DCC: variants seen among roughly 807,000 people sequenced by gnomAD.
DCC encodes netrin receptor DCC.
A neutral mutation model predicts 172.5 loss-of-function variants in DCC; 58 were observed. The ratio of observed to expected loss-of-function variants is 0.34; its 90% CI spans 0.27 to 0.42. The LOEUF is 0.42. Ranked by LOEUF, DCC falls within the 10% of genes least tolerant of loss-of-function variation. The pLI is 1.00. For synonymous variants in DCC, 709 were observed against 644.5 expected, an observed-to-expected ratio of 1.10 and a Z score of -1.52; for missense variants, 1,740 against 1,791.0, an observed-to-expected ratio of 0.97 and a Z score of 0.51.
chr18:52,597,903 A>G (rs2033940323), intron 1 of DCC, among the ~76,000 whole-genome samples: 1 of 152,192 alleles, frequency 6.6e-6, no homozygotes, highest in Non-Finnish European at 1.5e-5. Flanking sequence ...TTTGGTTTCT[A>G]AGAGCACTGA....
intron 2 of DCC, among the ~76,000 whole-genome samples, chr18:52,875,936 T>A (rs2039397727): frequency 1.3e-5 from 2 of 152,124 alleles, no homozygotes; most frequent in South Asian, 4.1e-4. Flanking sequence ...AAATCATAAC[T>A]CATAATGACT....
At chr18:53,264,012 G>A (rs1385703063) in intron 12 of DCC, among the ~76,000 whole-genome samples, 1 of 152,018 alleles carries the variant, frequency 6.6e-6, no homozygotes, top group Non-Finnish European at 1.5e-5. Context: ...TTCAAAGAAG[G>A]GTTAAATATA....
intron 2 of DCC, among the ~76,000 whole-genome samples, chr18:52,815,002 T>C (rs1478693955): frequency 6.6e-6 from 1 of 151,688 alleles, no homozygotes; most frequent in East Asian, 1.9e-4. Flanking sequence ...TGGAGAGAAA[T>C]CAAATATAAC....
chr18:52,428,081 CT>C (rs1987501695), intron 1 of DCC, among the ~76,000 whole-genome samples: 1 of 152,004 alleles, frequency 6.6e-6, no homozygotes, highest in Non-Finnish European at 1.5e-5. Context: ...CCTTATCAAT[CT>C]CTTTAAAAAA....
At chr18:53,158,216 A>G (rs1028076866) in intron 8 of DCC, among the ~76,000 whole-genome samples, 3 of 152,206 alleles carry the variant, frequency 2.0e-5, no homozygotes, top group Admixed American at 2.0e-4. Context: ...TGCATATATA[A>G]ATGTCATATC....
At chr18:52,571,632 C>T (rs2033294756) in intron 1 of DCC, among the ~76,000 whole-genome samples, 1 of 152,164 alleles carries the variant, frequency 6.6e-6, no homozygotes, top group East Asian at 1.9e-4. Flanking sequence ...ATCAGCGGTG[C>T]ACCCCTCATT....
intron 14 of DCC, among the ~76,000 whole-genome samples, chr18:53,333,605 G>T (rs1470822012): frequency 6.6e-6 from 1 of 152,122 alleles, no homozygotes; most frequent in East Asian, 1.9e-4. Flanking sequence ...GTGAACGAAG[G>T]CAAAATGACA....
At chr18:53,462,460 C>G (rs1429073380) in intron 24 of DCC, among the ~76,000 whole-genome samples, 21 of 151,652 alleles carry the variant, frequency 1.4e-4, no homozygotes, top group Admixed American at 4.6e-4. Flanking sequence ...TGATCTGTCA[C>G]TGTCTCCCAT....
chr18:52,701,765 G>T (rs547684021), intron 1 of DCC, among the ~76,000 whole-genome samples: 1 of 152,142 alleles, frequency 6.6e-6, no homozygotes, highest in East Asian at 1.9e-4. Flanking sequence ...CCAATGCATC[G>T]TTCTTCTTTG....
At chr18:53,006,967 G>A (rs890535251) in intron 5 of DCC, among the ~76,000 whole-genome samples, 1 of 152,124 alleles carries the variant, frequency 6.6e-6, no homozygotes, top group Non-Finnish European at 1.5e-5. Flanking sequence ...ATCAGAAATG[G>A]TATATTCAAC....
At chr18:53,517,958 G>A (rs2046357223) in intron 27 of DCC, among the ~76,000 whole-genome samples, 1 of 152,112 alleles carries the variant, frequency 6.6e-6, no homozygotes. Flanking sequence ...GAAGATGAAA[G>A]GGTAGAGTAT....
chr18:53,170,359 T>C (rs1210621760), intron 8 of DCC, among the ~76,000 whole-genome samples: 1 of 152,234 alleles, frequency 6.6e-6, no homozygotes, highest in African/African-American at 2.4e-5. Flanking sequence ...TGTGTGTAGT[T>C]ATGCTCACTC....
chr18:52,591,683 A>G (rs1183213073), intron 1 of DCC, among the ~76,000 whole-genome samples: 4 of 152,124 alleles, frequency 2.6e-5, no homozygotes, highest in Admixed American at 2.6e-4. Context: ...CCTGGGCTCC[A>G]GCGATCCTCT....
At chr18:53,370,646 A>T (rs1420191841) in intron 15 of DCC, among the ~76,000 whole-genome samples, 2 of 151,770 alleles carry the variant, frequency 1.3e-5, no homozygotes, top group Non-Finnish European at 3.0e-5. Context: ...TGTGTTATTT[A>T]ATTTCCATAC....
intron 5 of DCC, among the ~76,000 whole-genome samples, chr18:53,041,350 T>C (rs1298428750): frequency 1.3e-5 from 2 of 152,080 alleles, no homozygotes; most frequent in Non-Finnish European, 2.9e-5. Context: ...CTGAAGCCTC[T>C]GTTTTAAAGT....
At chr18:52,722,249 C>A (rs1441984202) in intron 1 of DCC, among the ~76,000 whole-genome samples, 9 of 152,224 alleles carry the variant, frequency 5.9e-5, no homozygotes, top group Admixed American at 5.9e-4. Context: ...GAATTGTGCT[C>A]TATATCTCTA....
At chr18:52,929,472 CGTAAT>C (rs1282937626) in intron 5 of DCC, among the ~76,000 whole-genome samples, 2 of 151,766 alleles carry the variant, frequency 1.3e-5, no homozygotes, top group African/African-American at 4.8e-5. Flanking sequence ...AATACGTGAC[CGTAAT>C]GTAATGATCT....
At chr18:52,384,222 A>C (rs1295152169) in intron 1 of DCC, among the ~76,000 whole-genome samples, 1 of 152,102 alleles carries the variant, frequency 6.6e-6, no homozygotes, top group Non-Finnish European at 1.5e-5. Flanking sequence ...CTGAATGATT[A>C]ATGTCACATA....
intron 7 of DCC, among the ~76,000 whole-genome samples, chr18:53,131,063 G>C (rs567959991): frequency 6.6e-6 from 1 of 152,214 alleles, no homozygotes; most frequent in East Asian, 1.9e-4. Flanking sequence ...TTAAAAGGCT[G>C]CGTTAGAAAA....
Sources: gnomAD v4.1 joint callset for allele counts (sites outside exome capture counted in the v4.1 genomes callset) on GRCh38, gnomAD v4.1.1 for gene constraint, MANE v1.5 for transcripts, NCBI Gene and HGNC (gene_info 2026-07-23, HGNC 2026-07-21) for gene names.